Variants in COLGALT2 observed in about 807,000 individuals in gnomAD.
The protein encoded by COLGALT2 is procollagen galactosyltransferase 2.
In COLGALT2, 49 loss-of-function variants were observed where a neutral mutation model predicts 73.4. The observed-to-expected ratio is 0.67, with a 90% CI of 0.53 to 0.85. The LOEUF is 0.85. Ranked by LOEUF, COLGALT2 falls within the 40% of genes least tolerant of loss-of-function variation. COLGALT2 has a pLI of 0.00. For missense variants in COLGALT2, 722 were observed against 790.2 expected (o/e 0.91, Z 1.03); for synonymous variants, 295 against 307.6 (o/e 0.96, Z 0.43).
intron 4 of COLGALT2, 82 bp downstream of exon 4, chr1:183,973,534 A>T: frequency 6.5e-7 from 1 of 1,547,256 alleles, no homozygotes; most frequent in Non-Finnish European, 8.8e-7. Flanking sequence ...AGTAAACAAG[A>T]GAAAGGTGAA....
intron 5 of COLGALT2, among the ~76,000 whole-genome samples, chr1:183,967,334 GT>G (rs1670907818): frequency 6.6e-6 from 1 of 152,132 alleles, no homozygotes; most frequent in African/African-American, 2.4e-5. Flanking sequence ...AACTAACACC[GT>G]GCCAGGAACA....
At position 183,938,956 on chromosome 1, in the gene COLGALT2, G is replaced by A. The variant is rs760345971; in HGVS notation, c.1686C>T (p.Tyr562=). The A allele has an allele frequency of 1.1e-5, 17 of 1,614,034 alleles. No individual in the cohort carries two copies. In the African/African-American group the frequency reaches 2.0e-4, roughly 19 times the overall value. Residue 562 remains tyrosine (Y), a synonymous_variant, in exon 12 of 12, where the codon TAC becomes TAT. Transcript: ENST00000361927. ...AEPLLIYPTH[Y]TGQPGYLSDT... is the part of the protein sequence containing the mutation. ...CACTCAGGTACCCCGGCTGGCCTGT[G>A]TAGTGCGTAGGGTAGATGAGCAAGG...
chr1:183,945,151 T>C (rs1670214726), intron 9 of COLGALT2, among the ~76,000 whole-genome samples: 1 of 152,230 alleles, frequency 6.6e-6, no homozygotes, highest in African/African-American at 2.4e-5. Context: ...ATAGGTATAA[T>C]AGAAGGCATT....
At chr1:183,930,215 G>A (rs746235883) in exon 12 of COLGALT2, 2 of 456,102 alleles carry the variant, frequency 4.4e-6, no homozygotes, top group African/African-American at 2.0e-5. Flanking sequence ...TTCTCCTAGG[G>A]TGCACGGGTT....
At position 183,937,153 on chromosome 1, in the gene COLGALT2, T is replaced by C; in HGVS notation, c.*1608A>G. ...TATGTAGCACCACCCGCCTGTGGAC[T>C]CTGCTCTGAAGGGCCCTCCCCATGA... is the stretch of plus-strand genomic sequence containing the variant. On this transcript the variant is annotated 3_prime_UTR_variant, in exon 12 of 12. Coordinates refer to ENST00000361927, the MANE Select transcript of COLGALT2 (RefSeq NM_015101.4). The C allele has an allele frequency of 8.1e-7, 1 of 1,228,834 alleles. No individual in the cohort carries two copies. The highest frequency in any genetic ancestry group is 1.0e-6 in the Non-Finnish European group (1 of 986,660). 76.1% of individuals were successfully genotyped at this position (1,228,834 alleles called of 1,614,324 possible). A position where few individuals can be genotyped will look rare whatever the true frequency, so the allele number is the denominator to read the frequency against.
intron 1 of COLGALT2, among the ~76,000 whole-genome samples, chr1:183,992,093 T>A (rs1360364993): frequency 6.6e-6 from 1 of 152,186 alleles, no homozygotes; most frequent in African/African-American, 2.4e-5. Context: ...TGGCCAGGCA[T>A]TGACCTAGAA....
At chr1:184,019,179 G>A (rs1399506508) in intron 1 of COLGALT2, among the ~76,000 whole-genome samples, 1 of 152,098 alleles carries the variant, frequency 6.6e-6, no homozygotes, top group Non-Finnish European at 1.5e-5. Context: ...TTAAGGAATC[G>A]AAGTCCACTG....
At chr1:183,946,385 A>G (rs149518790) in intron 8 of COLGALT2, 36 of 152,348 alleles carry the variant, frequency 2.4e-4, no homozygotes, top group African/African-American at 8.2e-4. Flanking sequence ...GGCCCCAGGC[A>G]TATTCAGGGC....
intron 4 of COLGALT2, among the ~76,000 whole-genome samples, chr1:183,972,673 G>A (rs1671073683): frequency 6.6e-6 from 1 of 150,900 alleles, no homozygotes; most frequent in African/African-American, 2.4e-5. Flanking sequence ...AACATACATC[G>A]AAGGTCATTG....
At chr1:183,965,472 A>C (rs1670841596) in intron 5 of COLGALT2, among the ~76,000 whole-genome samples, 1 of 152,158 alleles carries the variant, frequency 6.6e-6, no homozygotes, top group Admixed American at 6.5e-5. Flanking sequence ...AAGGACGAGG[A>C]GGAAAGGAAG....
chr1:183,947,917 C>T (rs1178499943), intron 8 of COLGALT2, among the ~76,000 whole-genome samples: 1 of 152,016 alleles, frequency 6.6e-6, no homozygotes, highest in Non-Finnish European at 1.5e-5. Flanking sequence ...GTCACTCCTA[C>T]TGACCTTATG....
At chr1:183,994,257 C>A (rs2102832774) in intron 1 of COLGALT2, among the ~76,000 whole-genome samples, 2 of 151,964 alleles carry the variant, frequency 1.3e-5, no homozygotes, top group Middle Eastern at 6.8e-3. Context: ...CCAGAATGGT[C>A]TTGATCTCCT....
chr1:183,983,412 A>G (rs1671404688), intron 1 of COLGALT2, among the ~76,000 whole-genome samples: 1 of 152,240 alleles, frequency 6.6e-6, no homozygotes, highest in Admixed American at 6.5e-5. Context: ...ACTTCTAACT[A>G]CTGCCTTGTA....
Position 184,037,038 on chromosome 1 carries a change from G to A in COLGALT2, c.263+57C>T, listed in dbSNP as rs563479403. The A allele has an allele frequency of 2.6e-5, 34 of 1,327,818 alleles. No homozygotes were observed. In the South Asian group the frequency reaches 6.0e-4, roughly 23 times the overall value. 82.3% of individuals were successfully genotyped at this position (1,327,818 alleles called of 1,614,324 possible). A position where few individuals can be genotyped will look rare whatever the true frequency, so the allele number is the denominator to read the frequency against. On this transcript the variant is annotated intron_variant, in intron 1 of 11. Transcript: ENST00000361927. ...AGCTGCTGCTCCGGGCGCTGTCCGC[G>A]CTGGGCAGGCCGCCCCCGCGTCCCG...
At chr1:183,974,950 A>C in intron 3 of COLGALT2, 147 bp downstream of exon 3, 1 of 596,518 alleles carries the variant, frequency 1.7e-6, no homozygotes, top group South Asian at 2.4e-5. Flanking sequence ...ACTACCAAAA[A>C]TTTCATTGTG....
chr1:184,003,876 GCCCAAAT>G (rs1453953799), intron 1 of COLGALT2, among the ~76,000 whole-genome samples: 2 of 152,154 alleles, frequency 1.3e-5, no homozygotes, highest in African/African-American at 4.8e-5. Context: ...GACTCTGAAA[GCCCAAAT>G]CCCCACTGAG....
intron 8 of COLGALT2, among the ~76,000 whole-genome samples, chr1:183,949,812 A>G (rs1043424861): frequency 1.3e-5 from 2 of 152,224 alleles, no homozygotes; most frequent in Non-Finnish European, 2.9e-5. Context: ...AAAGTTAAAG[A>G]AAATATTTGA....
At chr1:184,007,397 T>A (rs6693281) in intron 1 of COLGALT2, among the ~76,000 whole-genome samples, 9,981 of 152,262 alleles carry the variant, frequency 0.066, 1,058 homozygotes, top group African/African-American at 0.23. Context: ...AAATTCTAAG[T>A]GATAAGAAAT....
downstream of COLGALT2, among the ~76,000 whole-genome samples, chr1:183,933,687 C>G (rs1669889369): frequency 6.6e-6 from 1 of 152,170 alleles, no homozygotes; most frequent in Non-Finnish European, 1.5e-5. Flanking sequence ...AGTAAGAGCC[C>G]AGACATCCAC....
Sources: gnomAD v4.1 joint callset for allele counts (sites outside exome capture counted in the v4.1 genomes callset) on GRCh38, gnomAD v4.1.1 for gene constraint, MANE v1.5 for transcripts, NCBI Gene and HGNC (gene_info 2026-07-23, HGNC 2026-07-21) for gene names.